The following TSPAN9 variants were observed in gnomAD, a reference collection of about 807,000 sequenced individuals.
The protein encoded by TSPAN9 is tetraspanin 9.
In TSPAN9, 16 loss-of-function variants were observed where a neutral mutation model predicts 31.0. The observed-to-expected ratio is 0.52, with a 90% CI of 0.35 to 0.78. The LOEUF (loss-of-function observed/expected upper bound fraction) is 0.78. Ranked by LOEUF, TSPAN9 falls within the 30% of genes least tolerant of loss-of-function variation. The probability of loss-of-function intolerance (pLI) is 0.01; values close to 1 mark genes in which losing one functional copy is unlikely to be tolerated. For missense variants in TSPAN9, 272 were observed against 312.5 expected (o/e 0.87, Z 0.98); for synonymous variants, 145 against 121.6 (o/e 1.19, Z -1.27).
chr12:3,265,901 ATCCTTT>A (rs1275723354), intron 3 of TSPAN9, among the ~76,000 whole-genome samples: 2 of 152,204 alleles, frequency 1.3e-5, no homozygotes, highest in Admixed American at 1.3e-4. Flanking sequence ...AACCTCCTTG[ATCCTTT>A]GTAAAGTCAG....
At chr12:3,106,558 C>G (rs2098314782) in intron 2 of TSPAN9, among the ~76,000 whole-genome samples, 1 of 152,084 alleles carries the variant, frequency 6.6e-6, no homozygotes, top group Non-Finnish European at 1.5e-5. Flanking sequence ...TCACTTGAGC[C>G]CAGAAATTTG....
At chr12:3,099,075 G>A (rs2098310578) in intron 2 of TSPAN9, among the ~76,000 whole-genome samples, 1 of 152,064 alleles carries the variant, frequency 6.6e-6, no homozygotes, top group Admixed American at 6.5e-5. Flanking sequence ...TAACTGCATT[G>A]TTTTAGCAAA....
chr12:3,220,583 C>G (rs1403259756), intron 3 of TSPAN9, among the ~76,000 whole-genome samples: 1 of 152,200 alleles, frequency 6.6e-6, no homozygotes, highest in East Asian at 1.9e-4. Context: ...GAGGTGGAGG[C>G]ATGGGAGAGG....
chr12:3,122,977 C>T (rs2098325813), intron 2 of TSPAN9, among the ~76,000 whole-genome samples: 1 of 152,152 alleles, frequency 6.6e-6, no homozygotes, highest in African/African-American at 2.4e-5. Context: ...GTGGATGCTT[C>T]AGGGTTGGTC....
intron 2 of TSPAN9, among the ~76,000 whole-genome samples, chr12:3,105,770 A>ACACG (rs1250059529): frequency 6.3e-5 from 2 of 31,804 alleles, no homozygotes; most frequent in Admixed American, 5.6e-4. Context: ...ACACACGCGC[A>ACACG]CGCACACACG....
intron 2 of TSPAN9, among the ~76,000 whole-genome samples, chr12:3,099,603 A>G (rs902999287): frequency 1.3e-5 from 2 of 152,194 alleles, no homozygotes; most frequent in African/African-American, 2.4e-5. Context: ...CAGATCCTGT[A>G]AATTTAATGT....
intron 3 of TSPAN9, among the ~76,000 whole-genome samples, chr12:3,227,175 T>C (rs753172911): frequency 2.6e-5 from 4 of 151,990 alleles, no homozygotes; most frequent in Non-Finnish European, 2.9e-5. Context: ...ATCCAAATGA[T>C]TGTTTAGTGG....
intron 2 of TSPAN9, among the ~76,000 whole-genome samples, chr12:3,176,211 A>G (rs999747145): frequency 6.6e-6 from 1 of 152,212 alleles, no homozygotes; most frequent in African/African-American, 2.4e-5. Context: ...CTCTTGTCTC[A>G]GCATCGAGCC....
chr12:3,225,173 G>C (rs1392910534), intron 3 of TSPAN9, among the ~76,000 whole-genome samples: 3 of 152,180 alleles, frequency 2.0e-5, no homozygotes, highest in African/African-American at 7.2e-5. Context: ...GGGCACCCAG[G>C]AGGGGCCCCC....
chr12:3,201,059 GC>G, intron 2 of TSPAN9, 117 bp from the exon 3 acceptor site: 1 of 935,350 alleles, frequency 1.1e-6, no homozygotes, highest in Non-Finnish European at 1.6e-6. Context: ...CTACGGCACC[GC>G]GGGCTCCCGG....
At chr12:3,202,417 C>G (rs1013528833) in intron 3 of TSPAN9, among the ~76,000 whole-genome samples, 1 of 152,118 alleles carries the variant, frequency 6.6e-6, no homozygotes, top group Non-Finnish European at 1.5e-5. Flanking sequence ...CCACATTAGC[C>G]GAAACACTTT....
intron 2 of TSPAN9, among the ~76,000 whole-genome samples, chr12:3,110,641 AG>A (rs1261608884): frequency 6.6e-6 from 1 of 152,174 alleles, no homozygotes; most frequent in East Asian, 1.9e-4. Context: ...GTTACATAGG[AG>A]GTCCTCAGTC....
chr12:3,168,630 A>C lies in TSPAN9; in HGVS notation c.-17-32547A>C, dbSNP rs948397469. Among the ~76,000 whole-genome samples, 2 of 152,172 alleles carry C rather than the reference A, an allele frequency of 1.3e-5. No homozygotes were observed. Among genetic ancestry groups the C allele is most frequent in the Non-Finnish European group, 2.9e-5 (2 of 68,022 alleles). On this transcript the variant is annotated intron_variant, in intron 2 of 8. Coordinates refer to ENST00000011898, the MANE Select transcript of TSPAN9 (RefSeq NM_006675.5). This position sits in a 1 kb window ranked among gnomAD's most constrained non-coding sequence, Gnocchi z 4.0. ...ACTTGCTTGTGAAGTGCTGCATCCA[A>C]TCTCTTTACGAATGGATGTCTCAAG...
At chr12:3,186,242 A>G (rs1281267639) in intron 2 of TSPAN9, among the ~76,000 whole-genome samples, 2 of 152,218 alleles carry the variant, frequency 1.3e-5, no homozygotes, top group East Asian at 1.9e-4. Flanking sequence ...TTTCAAAAAT[A>G]CTTACACCTG....
intron 2 of TSPAN9, among the ~76,000 whole-genome samples, chr12:3,109,168 C>A (rs183615629): frequency 2.5e-3 from 379 of 151,820 alleles, no homozygotes; most frequent in Admixed American, 5.2e-3. Context: ...GATCTCCTGA[C>A]CTCGTGATCC....
At position 3,283,368 on chromosome 12, in the gene TSPAN9, G is replaced by A. The variant is rs924393605; in HGVS notation, c.*252G>A. On this transcript the variant is annotated 3_prime_UTR_variant, in exon 9 of 9. Coordinates refer to ENST00000011898, the MANE Select transcript of TSPAN9 (RefSeq NM_006675.5). ...CTGCATATGCGTATTTGCCAAAGAC[G>A]ACAGGGTGGGCTGGGGTGCGCTCCG... is the stretch of plus-strand genomic sequence containing the variant. 28 of 458,672 alleles carry A rather than the reference G, an allele frequency of 6.1e-5. No homozygotes were observed. Among genetic ancestry groups the A allele is most frequent in the African/African-American group, 4.7e-4 (23 of 49,384 alleles). 28.4% of individuals were successfully genotyped at this position (458,672 alleles called of 1,614,324 possible). A position where few individuals can be genotyped will look rare whatever the true frequency, so the allele number is the denominator to read the frequency against.
chr12:3,275,089 A>G, intron 3 of TSPAN9, among the ~76,000 whole-genome samples: 1 of 152,214 alleles, frequency 6.6e-6, no homozygotes. Flanking sequence ...GACCAAATCA[A>G]AGGATGTGGA....
At position 3,123,199 on chromosome 12, in the gene TSPAN9, A is replaced by C. The variant is rs528292570; in HGVS notation, c.-18+39480A>C. Among the ~76,000 whole-genome samples the C allele has an allele frequency of 3.3e-5, 5 of 152,234 alleles. No individual in the cohort carries two copies. The East Asian group carries it at 9.7e-4, about 29-fold the overall frequency. On this transcript the variant is annotated intron_variant, in intron 2 of 8. Coordinates refer to ENST00000011898, the MANE Select transcript of TSPAN9 (RefSeq NM_006675.5). ...GAGATTTGTCCAGGGTTAGCTCGGG[A>C]GTGGCGTCTGCATCCCTCACCTGCA...
At chr12:3,208,876 G>A (rs370646662) in intron 3 of TSPAN9, among the ~76,000 whole-genome samples, 1 of 152,080 alleles carries the variant, frequency 6.6e-6, no homozygotes, top group Non-Finnish European at 1.5e-5. Context: ...TCTTAAACAC[G>A]GCATCATTTA....
Sources: allele counts gnomAD v4.1 joint callset (sites outside exome capture counted in the v4.1 genomes callset), GRCh38; gene constraint gnomAD v4.1.1; non-coding constraint Gnocchi (gnomAD v3.1); transcripts MANE v1.5; gene names NCBI Gene and HGNC (gene_info 2026-07-23, HGNC 2026-07-21).